The following ZDHHC2 variants were observed in gnomAD, a reference collection of about 807,000 sequenced individuals.
ZDHHC2 encodes the protein zDHHC palmitoyltransferase 2, also known as palmitoyltransferase ZDHHC2.
In ZDHHC2, 51 loss-of-function variants were observed where a neutral mutation model predicts 55.6. The observed-to-expected ratio is 0.92, with a 90% CI of 0.73 to 1.16. The LOEUF (loss-of-function observed/expected upper bound fraction) is 1.16, where lower values mean the gene tolerates loss of function less well. Ranked by LOEUF, ZDHHC2 falls within the 50% of genes most tolerant of loss-of-function variation. ZDHHC2 has a pLI of 0.00. For synonymous variants in ZDHHC2, 199 were observed against 152.9 expected, an observed-to-expected ratio of 1.30 and a Z score of -2.22; for missense variants, 491 against 442.4, an observed-to-expected ratio of 1.11 and a Z score of -0.99.
At chr8:17,194,810 T>C (rs1405686159) in intron 3 of ZDHHC2, among the ~76,000 whole-genome samples, 4 of 152,210 alleles carry the variant, frequency 2.6e-5, no homozygotes, top group African/African-American at 9.6e-5. Flanking sequence ...TTGTGTTCTT[T>C]TTTTTGTATT....
At position 17,212,059 on chromosome 8, in the gene ZDHHC2, C is replaced by T. The variant is rs540910025; in HGVS notation, c.950+1579C>T. 2.0e-5 allele frequency among the ~76,000 whole-genome samples: 3 copies of T among 152,150 alleles called. No individual in the cohort carries two copies. The South Asian group carries it at 6.2e-4, about 32-fold the overall frequency. ...ATGAGATTTGGGAGAAATCTTAGTT[C>T]TGACACTGTTACCCAACTGGGTGAT... On this transcript the variant is annotated intron_variant, in intron 10 of 12. Coordinates refer to ENST00000262096, the MANE Select transcript of ZDHHC2 (RefSeq NM_016353.5).
At chr8:17,181,048 G>A (rs1805405420) in intron 1 of ZDHHC2, among the ~76,000 whole-genome samples, 2 of 152,168 alleles carry the variant, frequency 1.3e-5, no homozygotes, top group South Asian at 4.1e-4. Context: ...TCACCTCACA[G>A]AAGAGATTAC....
intron 12 of ZDHHC2, among the ~76,000 whole-genome samples, chr8:17,218,759 A>G (rs1807766632): frequency 6.6e-6 from 1 of 152,186 alleles, no homozygotes; most frequent in South Asian, 2.1e-4. Context: ...CGATTTTCTG[A>G]TGTCATGTTT....
At chr8:17,195,879 G>T (rs1290563838) in intron 4 of ZDHHC2, among the ~76,000 whole-genome samples, 1 of 152,180 alleles carries the variant, frequency 6.6e-6, no homozygotes, top group East Asian at 1.9e-4. Context: ...TTATGACTCA[G>T]TGAAGATGTG....
Position 17,186,383 on chromosome 8 carries a change from C to T in ZDHHC2, c.210C>T (p.Tyr70=). 1.3e-6 allele frequency: 2 copies of T among 1,587,422 alleles called. No individual in the cohort carries two copies. Among genetic ancestry groups the T allele is most frequent in the South Asian group, 1.2e-5 (1 of 85,306 alleles). Residue 70 remains tyrosine (Y), a synonymous_variant, in exon 3 of 13, where the codon TAC becomes TAT. Transcript: ENST00000262096. ...HLLFAMFVWS[Y]WKTIFTLPMN... ...TTTTTGCAATGTTTGTCTGGTCATA[C>T]TGGAAAACTATCTTTACATTACCAA...
intron 1 of ZDHHC2, among the ~76,000 whole-genome samples, chr8:17,178,344 T>G (rs916047934): frequency 6.6e-5 from 10 of 152,162 alleles, no homozygotes; most frequent in Admixed American, 3.9e-4. Context: ...CATTCTAGAC[T>G]AAATTAATAT....
chr8:17,198,507 A>G, intron 6 of ZDHHC2, 94 bp downstream of exon 6: 2 of 1,189,832 alleles, frequency 1.7e-6, no homozygotes, highest in Non-Finnish European at 2.3e-6. Flanking sequence ...CACATGAAAT[A>G]TTACTTGAGT....
Position 17,205,714 on chromosome 8 carries a change from C to G in ZDHHC2, c.536C>G (p.Ser179Cys). The G allele has an allele frequency of 1.2e-6, 2 of 1,610,492 alleles. No individual in the cohort carries two copies. The highest frequency in any genetic ancestry group is 1.7e-6 in the Non-Finnish European group (2 of 1,178,814). The change falls in exon 7 of 13, where the codon TCT becomes TGT. Residue 179 changes from serine (S) to cysteine (C), a missense_variant. By Grantham distance (112) the Ser-to-Cys change is moderately radical (BLOSUM62 -1). Coordinates refer to ENST00000262096, the MANE Select transcript of ZDHHC2 (RefSeq NM_016353.5). ...YKFFLLFLAY[S>C]LLYCLFIAAT... ...TTCTTTCTCCTTTTCTTGGCTTATT[C>G]TCTGCTCTACTGCCTTTTTATTGCG...
At position 17,183,740 on chromosome 8, in the gene ZDHHC2, G is replaced by C. The variant is rs149305059; in HGVS notation, c.131-1049G>C. On this transcript the variant is annotated intron_variant, in intron 1 of 12. Transcript: ENST00000262096. Reference sequence around the variant, plus strand: ...CAGTATCACAGGTAAAAGTCACAAAGCAGCCAATTTCAACACCCTGGAAGG... The same window carrying C: ...CAGTATCACAGGTAAAAGTCACAAACCAGCCAATTTCAACACCCTGGAAGG... 6.8e-3 allele frequency among the ~76,000 whole-genome samples: 1,032 copies of C among 152,128 alleles called. 5 individuals are homozygous for C. Among genetic ancestry groups the C allele is most frequent in the Non-Finnish European group, 0.011 (727 of 68,004 alleles).
At chr8:17,170,457 G>A (rs1804805392) in intron 1 of ZDHHC2, among the ~76,000 whole-genome samples, 1 of 152,156 alleles carries the variant, frequency 6.6e-6, no homozygotes, top group Non-Finnish European at 1.5e-5. Flanking sequence ...TCTCTGGAGA[G>A]TTGTAAAGTA....
Position 17,187,426 on chromosome 8 carries a change from A to G in ZDHHC2, c.252+1001A>G, listed in dbSNP as rs114731493. 3.2e-3 allele frequency among the ~76,000 whole-genome samples: 481 copies of G among 152,266 alleles called. 3 individuals are homozygous for G. The highest frequency in any genetic ancestry group is 0.011 in the African/African-American group (447 of 41,556). ...TAAGCCAAGTTTAAAAAAAAAAAGC[A>G]TCACTGTAGACTGTTTACTGAAGTA... On this transcript the variant is annotated intron_variant, in intron 3 of 12. Transcript: ENST00000262096.
chr8:17,179,030 A>G (rs575333322), intron 1 of ZDHHC2, among the ~76,000 whole-genome samples: 7 of 152,266 alleles, frequency 4.6e-5, no homozygotes, highest in African/African-American at 1.7e-4. Flanking sequence ...AGCTCACTGC[A>G]GCCTCGACCT....
At chr8:17,179,847 A>C (rs968750597) in intron 1 of ZDHHC2, among the ~76,000 whole-genome samples, 9 of 152,248 alleles carry the variant, frequency 5.9e-5, no homozygotes, top group Non-Finnish European at 1.3e-4. Flanking sequence ...TCCCACAATT[A>C]ATCACAGAGG....
intron 2 of ZDHHC2, among the ~76,000 whole-genome samples, chr8:17,185,580 G>A (rs1016059381): frequency 6.6e-6 from 1 of 152,092 alleles, no homozygotes; most frequent in Non-Finnish European, 1.5e-5. Flanking sequence ...TGAGGTAGGA[G>A]GATTGCTTGA....
intron 9 of ZDHHC2, 89 bp downstream of exon 9, chr8:17,210,147 C>G (rs573418896): frequency 1.4e-6 from 2 of 1,394,592 alleles, no homozygotes; most frequent in African/African-American, 2.9e-5. Flanking sequence ...GTTCCATAGG[C>G]TTGTAATTCT....
intron 1 of ZDHHC2, among the ~76,000 whole-genome samples, chr8:17,158,600 G>A (rs1804182179): frequency 6.6e-6 from 1 of 152,156 alleles, no homozygotes; most frequent in South Asian, 2.1e-4. Context: ...TGGAAAATTG[G>A]TATTATATCT....
intron 1 of ZDHHC2, among the ~76,000 whole-genome samples, chr8:17,172,590 A>G (rs1190034535): frequency 6.6e-6 from 1 of 151,752 alleles, no homozygotes; most frequent in African/African-American, 2.4e-5. Context: ...AGTCTTCTTA[A>G]TGCAGTAAAT....
In ZDHHC2 at chr8:17,221,585, C is replaced by T. The variant is rs560346690; in HGVS notation, c.*1364C>T. 5.2e-5 allele frequency: 8 copies of T among 152,398 alleles called. No individual in the cohort carries two copies. The highest frequency in any genetic ancestry group is 4.6e-4 in the Admixed American group (7 of 15,270). The allele number at this position is 152,398 out of a possible 1,614,324, so 9.4% of individuals were successfully genotyped here. A position where few individuals can be genotyped will look rare whatever the true frequency, so the allele number is the denominator to read the frequency against. ...TTTTCAAAATCTTTGTTAAACCAAACATTCAACACAAAATAAACTAGAAGG... is the reference window on the plus strand; with the variant it reads ...TTTTCAAAATCTTTGTTAAACCAAATATTCAACACAAAATAAACTAGAAGG... On this transcript the variant is annotated 3_prime_UTR_variant, in exon 13 of 13. Coordinates refer to ENST00000262096, the MANE Select transcript of ZDHHC2 (RefSeq NM_016353.5).
intron 3 of ZDHHC2, among the ~76,000 whole-genome samples, chr8:17,192,675 GTA>G (rs1197459287): frequency 6.6e-6 from 1 of 152,144 alleles, no homozygotes; most frequent in Non-Finnish European, 1.5e-5. Context: ...TGCTTGTGAG[GTA>G]TGATTCAAGA....
Sources: allele counts gnomAD v4.1 joint callset (sites outside exome capture counted in the v4.1 genomes callset), GRCh38; gene constraint gnomAD v4.1.1; transcripts MANE v1.5; gene names NCBI Gene and HGNC (gene_info 2026-07-23, HGNC 2026-07-21).